The following PAGE2B variants were observed in gnomAD, a reference collection of about 807,000 sequenced individuals.
PAGE2B encodes PAGE family member 2B, also known as putative G antigen family E member 3.
A neutral mutation model predicts 7.6 loss-of-function variants in PAGE2B; 5 were observed. The ratio of observed to expected loss-of-function variants is 0.66; its 90% confidence interval spans 0.34 to 1.38. PAGE2B has a LOEUF of 1.38. Among genes scored for constraint, PAGE2B ranks in the 40% most tolerant of loss-of-function variants. The pLI is 0.04. For missense variants in PAGE2B, 70 were observed against 78.4 expected (o/e 0.89, Z 0.41); for synonymous variants, 29 against 26.7 (o/e 1.09, Z -0.27).
the PAGE2B span, among the ~76,000 whole-genome samples, chrX:55,034,053 G>C: frequency 8.9e-6 from 1 of 111,785 alleles, no homozygotes; most frequent in Non-Finnish European, 1.9e-5. Flanking sequence ...CCCAGTTAAC[G>C]ATAGTCTCAA....
chrX:55,035,974 C>G, the PAGE2B span, among the ~76,000 whole-genome samples: 1 of 111,370 alleles, frequency 9.0e-6, no homozygotes, highest in Admixed American at 9.6e-5. Flanking sequence ...CTTTTATTTC[C>G]TTGAGCAGTG....
intron 3 of PAGE2B, among the ~76,000 whole-genome samples, chrX:55,076,930 G>T (rs1286876675): frequency 9.0e-6 from 1 of 111,569 alleles, no homozygotes; most frequent in African/African-American, 3.3e-5. Context: ...GCTCCTGTAT[G>T]CTTTGTTCAG....
the PAGE2B span, among the ~76,000 whole-genome samples, chrX:55,052,261 C>A: frequency 1.8e-5 from 2 of 112,509 alleles, no homozygotes; most frequent in South Asian, 7.3e-4. Context: ...GGGTGAGGGA[C>A]CCACTTGAGG....
At chrX:55,057,488 C>A in the PAGE2B span, among the ~76,000 whole-genome samples, 21 of 111,599 alleles carry the variant, frequency 1.9e-4, no homozygotes, top group Non-Finnish European at 3.0e-4. Flanking sequence ...TTGAATCCTG[C>A]CCCTGCCGCC....
chrX:55,076,485 C>A, intron 2 of PAGE2B, 84 bp from the exon 3 acceptor site: 2 of 884,769 alleles, frequency 2.3e-6, no homozygotes, highest in Admixed American at 2.9e-5. Flanking sequence ...GGAAAAATGT[C>A]TTTAGATGTG....
intron 1 of PAGE2B, among the ~76,000 whole-genome samples, chrX:55,075,666 T>C (rs2146466053): frequency 9.0e-6 from 1 of 110,879 alleles, no homozygotes; most frequent in South Asian, 3.8e-4. Context: ...TTGAGAGAGG[T>C]GTGGGGGTGA....
chrX:55,045,596 C>T, the PAGE2B span, among the ~76,000 whole-genome samples: 3 of 111,246 alleles, frequency 2.7e-5, no homozygotes, highest in South Asian at 1.1e-3. Context: ...CCTAGCCATA[C>T]AGGAGAATTT....
the PAGE2B span, chrX:55,044,876 T>C: frequency 8.9e-6 from 1 of 112,236 alleles, no homozygotes; most frequent in Non-Finnish European, 1.9e-5. Context: ...CCCTGATGCA[T>C]AGATGACACT....
the PAGE2B span, among the ~76,000 whole-genome samples, chrX:55,047,603 C>T: frequency 8.9e-5 from 10 of 111,756 alleles, no homozygotes; most frequent in Non-Finnish European, 1.5e-4. Context: ...TTCTAACGAT[C>T]GCCATTCTAA....
At position 55,077,353 on chromosome X, in the gene PAGE2B, A is replaced by G. The variant is rs750103545; in HGVS notation, c.194-46A>G. On this transcript the variant is annotated intron_variant, in intron 3 of 4. Transcript: ENST00000374971. ...TAAATATTATCATTTCCTTGTTCATAGTTCATGTTTTAATTTGTAAACTGA... is the reference window on the plus strand; with the variant it reads ...TAAATATTATCATTTCCTTGTTCATGGTTCATGTTTTAATTTGTAAACTGA... 3.9e-5 allele frequency: 47 copies of G among 1,202,229 alleles called. No homozygotes were observed. In the East Asian group the frequency reaches 8.0e-4, roughly 20 times the overall value.
At chrX:55,052,151 C>T in the PAGE2B span, among the ~76,000 whole-genome samples, 1 of 111,538 alleles carries the variant, frequency 9.0e-6, no homozygotes, top group Non-Finnish European at 1.9e-5. Context: ...AATGCTGCTG[C>T]CTGATCGTTC....
the PAGE2B span, among the ~76,000 whole-genome samples, chrX:55,053,001 T>C: frequency 2.7e-5 from 3 of 113,117 alleles, no homozygotes; most frequent in Non-Finnish European, 5.6e-5. Context: ...TAAAACTTCC[T>C]AATTTTTATC....
At chrX:55,053,110 G>A in the PAGE2B span, among the ~76,000 whole-genome samples, 1 of 112,301 alleles carries the variant, frequency 8.9e-6, no homozygotes, top group African/African-American at 3.2e-5. Context: ...GCAAAGACAT[G>A]GAATCAACCC....
the PAGE2B span, among the ~76,000 whole-genome samples, chrX:55,067,164 G>A: frequency 2.7e-5 from 3 of 110,391 alleles, no homozygotes; most frequent in Non-Finnish European, 5.7e-5. Flanking sequence ...CCATCAACCC[G>A]TCATCTACAT....
At chrX:55,054,040 C>G in the PAGE2B span, among the ~76,000 whole-genome samples, 1 of 110,869 alleles carries the variant, frequency 9.0e-6, no homozygotes, top group African/African-American at 3.3e-5. Context: ...ACAGTGAAAC[C>G]CTGTCTCTAC....
chrX:55,032,915 T>G, the PAGE2B span, among the ~76,000 whole-genome samples: 1 of 111,671 alleles, frequency 9.0e-6, no homozygotes, highest in African/African-American at 3.3e-5. Context: ...CTCCAACTCT[T>G]TAGCTGGCTA....
chrX:55,048,677 G>A, the PAGE2B span, among the ~76,000 whole-genome samples: 233 of 111,973 alleles, frequency 2.1e-3, 1 homozygote, highest in Non-Finnish European at 2.7e-3. Flanking sequence ...CTTTGCTGAA[G>A]TTGCCTATCA....
At chrX:55,073,528 T>C (rs1178996054), upstream of PAGE2B, among the ~76,000 whole-genome samples, 1 of 111,817 alleles carries the variant, frequency 8.9e-6, no homozygotes, top group Admixed American at 9.5e-5. Flanking sequence ...CCCGCAACCA[T>C]CCCATATGAA....
chrX:55,057,094 C>A, the PAGE2B span, among the ~76,000 whole-genome samples: 2 of 111,596 alleles, frequency 1.8e-5, no homozygotes, highest in South Asian at 7.6e-4. Context: ...CACCAACAGA[C>A]TTTGTTCATT....
Sources: allele counts gnomAD v4.1 joint callset (sites outside exome capture counted in the v4.1 genomes callset), GRCh38; gene constraint gnomAD v4.1.1; transcripts MANE v1.5; gene names NCBI Gene and HGNC (gene_info 2026-07-23, HGNC 2026-07-21).